PLA2G4A: variants seen among roughly 807,000 people sequenced by gnomAD.
PLA2G4A encodes phospholipase A2 group IVA.
A neutral mutation model predicts 81.9 loss-of-function variants in PLA2G4A; 40 were observed. The observed-to-expected ratio is 0.49, with a 90% CI of 0.38 to 0.64. PLA2G4A has a LOEUF of 0.64. Ranked by LOEUF, PLA2G4A falls within the 30% of genes least tolerant of loss-of-function variation. PLA2G4A has a pLI of 0.00. For synonymous variants in PLA2G4A, 302 were observed against 296.9 expected (o/e 1.02, Z -0.18); for missense variants, 715 against 905.1 (o/e 0.79, Z 2.69).
At chr1:186,983,245 G>A (rs1253287319) in intron 17 of PLA2G4A, among the ~76,000 whole-genome samples, 1 of 152,024 alleles carries the variant, frequency 6.6e-6, no homozygotes, top group Non-Finnish European at 1.5e-5. Context: ...TTCACACTTC[G>A]GCAACACAGC....
intron 17 of PLA2G4A, among the ~76,000 whole-genome samples, chr1:186,987,766 C>T (rs1363843758): frequency 3.9e-5 from 6 of 152,122 alleles, no homozygotes; most frequent in Non-Finnish European, 7.4e-5. Context: ...TTCTGGTTAC[C>T]ATTAACATGG....
intron 16 of PLA2G4A, 56 bp from the exon 17 acceptor site, chr1:186,979,259 T>C (rs1332273460): frequency 2.3e-6 from 3 of 1,301,358 alleles, no homozygotes; most frequent in Non-Finnish European, 3.4e-6. Context: ...CCTTGGGTTT[T>C]AGAGATATTT....
chr1:186,869,488 G>C (rs1178052448), intron 2 of PLA2G4A, among the ~76,000 whole-genome samples: 1 of 152,056 alleles, frequency 6.6e-6, no homozygotes, highest in African/African-American at 2.4e-5. Context: ...AAGCTATTGA[G>C]TGCTGTCTAA....
chr1:186,852,858 A>G (rs1009988476), intron 1 of PLA2G4A, among the ~76,000 whole-genome samples: 2 of 152,032 alleles, frequency 1.3e-5, no homozygotes, highest in Non-Finnish European at 2.9e-5. Flanking sequence ...TAAAATAAGA[A>G]AACGCAAAAC....
At chr1:186,973,856 A>C (rs1657441917) in intron 15 of PLA2G4A, among the ~76,000 whole-genome samples, 1 of 152,158 alleles carries the variant, frequency 6.6e-6, no homozygotes, top group African/African-American at 2.4e-5. Context: ...TACTTGCTTC[A>C]ATAATTTTTT....
chr1:186,964,364 T>A (rs1425955050), intron 14 of PLA2G4A, among the ~76,000 whole-genome samples: 1 of 152,208 alleles, frequency 6.6e-6, no homozygotes, highest in Non-Finnish European at 1.5e-5. Context: ...ATCAGTATTA[T>A]TTTTTCATAA....
At chr1:186,835,578 C>G (rs1045903089) in intron 1 of PLA2G4A, among the ~76,000 whole-genome samples, 1 of 152,290 alleles carries the variant, frequency 6.6e-6, no homozygotes, top group Admixed American at 6.5e-5. Context: ...CCACAAACCT[C>G]AAACAGGTTA....
intron 16 of PLA2G4A, among the ~76,000 whole-genome samples, chr1:186,978,636 T>C (rs1371969522): frequency 1.3e-5 from 2 of 152,242 alleles, no homozygotes; most frequent in Admixed American, 6.5e-5. Context: ...TTTCTATCAC[T>C]GTGAATTCTC....
At chr1:186,902,434 G>A (rs1329965869) in intron 5 of PLA2G4A, among the ~76,000 whole-genome samples, 1 of 151,962 alleles carries the variant, frequency 6.6e-6, no homozygotes, top group Non-Finnish European at 1.5e-5. Context: ...TCCCACTCTA[G>A]TTCCATGCTG....
intron 2 of PLA2G4A, among the ~76,000 whole-genome samples, chr1:186,866,185 G>A (rs1437613063): frequency 6.6e-6 from 1 of 151,988 alleles, no homozygotes; most frequent in Non-Finnish European, 1.5e-5. Flanking sequence ...GTGCAGTCTG[G>A]ACTAGTTTGA....
At chr1:186,876,717 C>T (rs1395846486) in intron 3 of PLA2G4A, among the ~76,000 whole-genome samples, 4 of 152,050 alleles carry the variant, frequency 2.6e-5, no homozygotes, top group Admixed American at 6.6e-5. Flanking sequence ...TGCTGTTCTC[C>T]GGGTGATGGT....
chr1:186,889,761 C>T (rs535190077), intron 3 of PLA2G4A, among the ~76,000 whole-genome samples: 1 of 48,234 alleles, frequency 2.1e-5, no homozygotes, highest in Non-Finnish European at 4.0e-5. Context: ...ACTGTTGGAT[C>T]TTTTTGTTTA....
intron 3 of PLA2G4A, among the ~76,000 whole-genome samples, chr1:186,881,626 G>A (rs2102082146): frequency 6.6e-6 from 1 of 152,122 alleles, no homozygotes; most frequent in East Asian, 1.9e-4. Context: ...GGTAAGCTGA[G>A]GTTCAGGTTT....
Position 186,988,561 on chromosome 1 carries a change from C to T in PLA2G4A, c.*53C>T. On this transcript the variant is annotated 3_prime_UTR_variant, in exon 18 of 18. Transcript: ENST00000367466. The stretch of plus-strand genomic sequence containing the variant: ...CTGATGCTGAGGCAGTTTGCAATCC[C>T]ATGACAACTGGATTTAAAAGTACAG... 4 of 1,524,772 alleles carry T rather than the reference C, an allele frequency of 2.6e-6. No individual in the cohort carries two copies. Among genetic ancestry groups the T allele is most frequent in the Non-Finnish European group, 3.6e-6 (4 of 1,103,566 alleles). The allele number at this position is 1,524,772 out of a possible 1,614,324, so 94.5% of individuals were successfully genotyped here. A position where few individuals can be genotyped will look rare whatever the true frequency, so the allele number is the denominator to read the frequency against.
intron 8 of PLA2G4A, among the ~76,000 whole-genome samples, chr1:186,936,368 G>T (rs1329490624): frequency 6.6e-6 from 1 of 151,956 alleles, no homozygotes; most frequent in Non-Finnish European, 1.5e-5. Flanking sequence ...AGCTAAGTTT[G>T]TCTTCTTCCC....
At chr1:186,894,361 T>G (rs1654261916) in intron 5 of PLA2G4A, 150 bp downstream of exon 5, 4 of 622,138 alleles carry the variant, frequency 6.4e-6, no homozygotes, top group Non-Finnish European at 1.1e-5. Context: ...CTTTTTACTT[T>G]TTGTCCTAAT....
intron 2 of PLA2G4A, among the ~76,000 whole-genome samples, chr1:186,854,637 A>C (rs1652488503): frequency 6.6e-6 from 1 of 151,954 alleles, no homozygotes; most frequent in East Asian, 1.9e-4. Context: ...CATAATAATA[A>C]TGGAACAATA....
intron 7 of PLA2G4A, among the ~76,000 whole-genome samples, chr1:186,919,665 C>T (rs1655275089): frequency 6.6e-6 from 1 of 152,180 alleles, no homozygotes; most frequent in Non-Finnish European, 1.5e-5. Context: ...CGGATCTTCC[C>T]ACTGAAAGGC....
intron 10 of PLA2G4A, among the ~76,000 whole-genome samples, chr1:186,944,362 T>C (rs1484170556): frequency 6.6e-6 from 1 of 152,112 alleles, no homozygotes; most frequent in East Asian, 1.9e-4. Context: ...TAAGTTACTA[T>C]GTGCCCAGGC....
Sources: gnomAD v4.1 joint callset for allele counts (sites outside exome capture counted in the v4.1 genomes callset) on GRCh38, gnomAD v4.1.1 for gene constraint, MANE v1.5 for transcripts, NCBI Gene and HGNC (gene_info 2026-07-23, HGNC 2026-07-21) for gene names.